Variants in LDLRAD4 observed in about 807,000 individuals in gnomAD.
LDLRAD4 encodes low-density lipoprotein receptor class A domain-containing protein 4.
In LDLRAD4, 5 loss-of-function variants were observed where a neutral mutation model predicts 17.0. The ratio of observed to expected loss-of-function variants is 0.29; its 90% CI spans 0.15 to 0.62. The LOEUF (loss-of-function observed/expected upper bound fraction) is 0.62, where lower values mean the gene tolerates loss of function less well. Among genes scored for constraint, LDLRAD4 ranks in the 20% least tolerant of loss-of-function variants. LDLRAD4 has a pLI of 0.84. For synonymous variants in LDLRAD4, 168 were observed against 171.8 expected, an observed-to-expected ratio of 0.98 and a Z score of 0.17; for missense variants, 340 against 424.7, an observed-to-expected ratio of 0.80 and a Z score of 1.75.
At chr18:13,504,567 A>G (rs556906791) in intron 3 of LDLRAD4, among the ~76,000 whole-genome samples, 34 of 152,282 alleles carry the variant, frequency 2.2e-4, no homozygotes, top group Middle Eastern at 3.4e-3. Flanking sequence ...AGCTGGGATT[A>G]CAGGCATGCG....
chr18:13,307,164 AAAAGGCAGATGG>A (rs1336327171), intron 1 of LDLRAD4, among the ~76,000 whole-genome samples: 1 of 152,166 alleles, frequency 6.6e-6, no homozygotes, highest in Non-Finnish European at 1.5e-5. Flanking sequence ...GAAAAAGCAA[AAAAGGCAGATGG>A]AAATTGCAGT....
chr18:13,360,398 C>T (rs887472038), intron 1 of LDLRAD4, among the ~76,000 whole-genome samples: 21 of 152,316 alleles, frequency 1.4e-4, no homozygotes, highest in South Asian at 8.3e-4. Context: ...GGTATTACAG[C>T]GCAGCCAGCG....
chr18:13,405,487 A>G (rs1167972904), intron 2 of LDLRAD4, among the ~76,000 whole-genome samples: 1 of 152,100 alleles, frequency 6.6e-6, no homozygotes, highest in Non-Finnish European at 1.5e-5. Context: ...CAGTGATGCA[A>G]TCATAGCTCA....
At chr18:13,619,404 C>T (rs1286356712) in intron 3 of LDLRAD4, among the ~76,000 whole-genome samples, 1 of 151,702 alleles carries the variant, frequency 6.6e-6, no homozygotes, top group African/African-American at 2.4e-5. Flanking sequence ...GCCCAAGCCC[C>T]TGCTCGAAGA....
intron 1 of LDLRAD4, among the ~76,000 whole-genome samples, chr18:13,346,460 G>C (rs575087214): frequency 6.6e-6 from 1 of 152,144 alleles, no homozygotes; most frequent in African/African-American, 2.4e-5. Context: ...TAAAATTTCT[G>C]TTCTTTTACA....
chr18:13,359,809 C>T (rs1391416683), intron 1 of LDLRAD4, among the ~76,000 whole-genome samples: 1 of 152,224 alleles, frequency 6.6e-6, no homozygotes, highest in Non-Finnish European at 1.5e-5. Flanking sequence ...AGATTGAGCA[C>T]TTCTTGATAC....
Position 13,271,893 on chromosome 18 carries a change from C to CTTTTTT in LDLRAD4, c.-466-6193_-466-6188dup, listed in dbSNP as rs753254188. On this transcript the variant is annotated intron_variant, in intron 1 of 5. Coordinates refer to the LDLRAD4 transcript ENST00000399848. ...TTCCACCCCACCCTCCTGTTCAGTG[C>CTTTTTT]TTTTTTTTTTTTTTTTTTTTTTTTA... Among the ~76,000 whole-genome samples, 37 of 79,026 alleles carry CTTTTTT rather than the reference C, an allele frequency of 4.7e-4. 2 individuals are homozygous for CTTTTTT. Among genetic ancestry groups the CTTTTTT allele is most frequent in the African/African-American group, 1.5e-3 (28 of 18,736 alleles). The allele number at this position is 79,026 out of a possible 152,430, so 51.8% of individuals were successfully genotyped here.
intron 1 of LDLRAD4, among the ~76,000 whole-genome samples, chr18:13,220,437 C>G (rs1227119927): frequency 6.6e-6 from 1 of 152,150 alleles, no homozygotes; most frequent in Non-Finnish European, 1.5e-5. Flanking sequence ...TCTCTTGAAT[C>G]CTCTCATGGG....
intron 1 of LDLRAD4, among the ~76,000 whole-genome samples, chr18:13,321,325 C>T (rs1302693166): frequency 2.0e-5 from 3 of 152,230 alleles, no homozygotes; most frequent in Non-Finnish European, 2.9e-5. Flanking sequence ...TAGCTGCAAA[C>T]GTTTCCAAAG....
At chr18:13,580,896 G>A (rs182620248) in intron 3 of LDLRAD4, among the ~76,000 whole-genome samples, 254 of 152,348 alleles carry the variant, frequency 1.7e-3, no homozygotes, top group Non-Finnish European at 2.7e-3. Context: ...CCTCTTCAGC[G>A]TCTGGTTTTG....
intron 3 of LDLRAD4, chr18:13,487,255 G>A (rs1450625531): frequency 6.6e-6 from 1 of 152,244 alleles, no homozygotes; most frequent in Non-Finnish European, 1.5e-5. Context: ...AAGAGCAGTG[G>A]GCCAGGTTAG....
At chr18:13,402,235 C>T (rs546904123) in intron 2 of LDLRAD4, among the ~76,000 whole-genome samples, 26 of 152,290 alleles carry the variant, frequency 1.7e-4, no homozygotes, top group African/African-American at 5.1e-4. Flanking sequence ...GGTTTCTGTG[C>T]AGGTGTCAGC....
At chr18:13,325,907 C>G (rs569247428) in intron 1 of LDLRAD4, among the ~76,000 whole-genome samples, 9 of 152,220 alleles carry the variant, frequency 5.9e-5, no homozygotes, top group Admixed American at 2.0e-4. Flanking sequence ...TGCCCGCCAC[C>G]GTGCCTGCCA....
upstream of LDLRAD4, among the ~76,000 whole-genome samples, chr18:13,274,009 G>A (rs1280300357): frequency 6.6e-6 from 1 of 152,108 alleles, no homozygotes; most frequent in Non-Finnish European, 1.5e-5. Flanking sequence ...TGGATGCCCC[G>A]ATGCCTGGTG....
chr18:13,246,889 A>G (rs1207427170), intron 1 of LDLRAD4, among the ~76,000 whole-genome samples: 1 of 152,030 alleles, frequency 6.6e-6, no homozygotes, highest in East Asian at 1.9e-4. Context: ...ATCTTTGTAA[A>G]CTAGGTTAAT....
intron 1 of LDLRAD4, among the ~76,000 whole-genome samples, chr18:13,313,576 C>G (rs909281270): frequency 6.6e-6 from 1 of 152,210 alleles, no homozygotes; most frequent in Non-Finnish European, 1.5e-5. Flanking sequence ...AACTGCCTTC[C>G]CCCGCCACCG....
intron 3 of LDLRAD4, among the ~76,000 whole-genome samples, chr18:13,540,879 C>A (rs1334755063): frequency 3.3e-5 from 5 of 152,286 alleles, no homozygotes; most frequent in Admixed American, 3.3e-4. Flanking sequence ...GCTTGCTGGG[C>A]AACTTGCCTG....
At chr18:13,469,905 C>T (rs2092721474) in intron 3 of LDLRAD4, among the ~76,000 whole-genome samples, 1 of 152,054 alleles carries the variant, frequency 6.6e-6, no homozygotes. Flanking sequence ...TGGAGGCTGG[C>T]CTGGGCAACA....
At chr18:13,404,657 G>T (rs959653876) in intron 2 of LDLRAD4, among the ~76,000 whole-genome samples, 2 of 152,046 alleles carry the variant, frequency 1.3e-5, no homozygotes, top group Non-Finnish European at 2.9e-5. Context: ...AATTAGCCGG[G>T]TGTAGTGGTG....
Sources: allele counts gnomAD v4.1 joint callset (sites outside exome capture counted in the v4.1 genomes callset), GRCh38; gene constraint gnomAD v4.1.1; transcripts MANE v1.5; gene names NCBI Gene and HGNC (gene_info 2026-07-23, HGNC 2026-07-21).